Variants in MYO3B observed in about 807,000 individuals in gnomAD.
MYO3B encodes the protein myosin IIIB, also known as myosin-IIIb.
In MYO3B, 156 loss-of-function variants were observed where a neutral mutation model predicts 174.6. The ratio of observed to expected loss-of-function variants is 0.89; its 90% CI spans 0.78 to 1.02. MYO3B has a LOEUF of 1.02. Among genes scored for constraint, MYO3B ranks in the 50% least tolerant of loss-of-function variants. The pLI, the probability that MYO3B is intolerant of heterozygous loss-of-function variation, is 0.00. For synonymous variants in MYO3B, 563 were observed against 569.1 expected (o/e 0.99, Z 0.15); for missense variants, 1,632 against 1,639.4 (o/e 1.00, Z 0.08).
At position 170,236,058 on chromosome 2, in the gene MYO3B, T is replaced by C. The variant is rs2093066523; in HGVS notation, c.671T>C (p.Ile224Thr). Residue 224 changes from isoleucine (I) to threonine (T), a missense_variant, in exon 7 of 35, where the codon ATC becomes ACC. Ile to Thr is a moderately conservative substitution (Grantham distance 89). Coordinates refer to ENST00000408978, the MANE Select transcript of MYO3B (RefSeq NM_138995.5). ...CGCTGTGACGTCTGGTCCTTGGGGA[T>C]CACAGCTATTGAACTGGGGGATGGA... ...DARCDVWSLG[I>T]TAIELGDGDP... 1.2e-6 allele frequency: 2 copies of C among 1,613,986 alleles called. No individual in the cohort carries two copies. Among genetic ancestry groups the C allele is most frequent in the East Asian group, 4.5e-5 (2 of 44,882 alleles).
intron 32 of MYO3B, among the ~76,000 whole-genome samples, chr2:170,633,957 A>C (rs575521100): frequency 2.6e-5 from 4 of 152,326 alleles, no homozygotes; most frequent in African/African-American, 9.6e-5. Flanking sequence ...CTGATCAACG[A>C]AATAAAAGAG....
chr2:170,623,549 T>C (rs1008555018), intron 32 of MYO3B, among the ~76,000 whole-genome samples: 3 of 152,208 alleles, frequency 2.0e-5, no homozygotes, highest in Non-Finnish European at 2.9e-5. Context: ...TGGTAGTTTC[T>C]TTTGCTGTGC....
chr2:170,429,431 C>T (rs2105879627), intron 22 of MYO3B, among the ~76,000 whole-genome samples: 1 of 152,282 alleles, frequency 6.6e-6, no homozygotes, highest in East Asian at 1.9e-4. Flanking sequence ...GTTCCCAGTC[C>T]CACCAGTGAC....
At chr2:170,435,093 T>G (rs943617030) in intron 22 of MYO3B, among the ~76,000 whole-genome samples, 1 of 152,258 alleles carries the variant, frequency 6.6e-6, no homozygotes, top group African/African-American at 2.4e-5. Flanking sequence ...AGCGTAGGTC[T>G]GTCTCAAGCT....
At chr2:170,383,875 G>A (rs992128419) in intron 12 of MYO3B, 61 bp downstream of exon 12, 16 of 1,338,700 alleles carry the variant, frequency 1.2e-5, no homozygotes, top group South Asian at 4.7e-5. Context: ...TGTCTTCCTC[G>A]TCAACTCCTA....
chr2:170,541,755 C>T (rs1010928081), intron 30 of MYO3B, among the ~76,000 whole-genome samples: 3 of 152,054 alleles, frequency 2.0e-5, no homozygotes, highest in African/African-American at 4.8e-5. Flanking sequence ...TTACACAGAG[C>T]GTGAAATAGA....
At chr2:170,216,938 T>C (rs908826649) in intron 5 of MYO3B, among the ~76,000 whole-genome samples, 18 of 152,032 alleles carry the variant, frequency 1.2e-4, no homozygotes, top group African/African-American at 4.3e-4. Flanking sequence ...TGCTCCAGAG[T>C]TGTAGTTTGG....
At chr2:170,330,758 A>G (rs1182208637) in intron 7 of MYO3B, among the ~76,000 whole-genome samples, 1 of 152,218 alleles carries the variant, frequency 6.6e-6, no homozygotes, top group Non-Finnish European at 1.5e-5. Context: ...CTTCAAAAGT[A>G]GAGGAATGAG....
At chr2:170,260,472 A>G (rs1353757021) in intron 7 of MYO3B, among the ~76,000 whole-genome samples, 3 of 152,248 alleles carry the variant, frequency 2.0e-5, no homozygotes, top group Non-Finnish European at 2.9e-5. Flanking sequence ...TAAATGCCAT[A>G]TGTTATCACT....
At chr2:170,239,166 G>C (rs2093104205) in intron 7 of MYO3B, among the ~76,000 whole-genome samples, 1 of 152,178 alleles carries the variant, frequency 6.6e-6, no homozygotes, top group South Asian at 2.1e-4. Context: ...CTCAACATCA[G>C]TGGATTCAAC....
rs762553748 is a variant in MYO3B at position 170,214,721 on chromosome 2, C to T, written c.427-8C>T. On this transcript the variant is annotated splice_region_variant and splice_polypyrimidine_tract_variant and intron_variant, in intron 4 of 34. Coordinates refer to ENST00000408978, the MANE Select transcript of MYO3B (RefSeq NM_138995.5). ...CCTGTTGTTTGGTGGTGGTGGGATG[C>T]CATGCAGGGCCTTCAGCATTTGCAC... The T allele has an allele frequency of 1.2e-6, 2 of 1,611,078 alleles. No individual in the cohort carries two copies. The highest frequency in any genetic ancestry group is 1.7e-5 in the Admixed American group (1 of 59,994).
At chr2:170,595,450 G>C (rs925135445) in intron 32 of MYO3B, among the ~76,000 whole-genome samples, 2 of 151,916 alleles carry the variant, frequency 1.3e-5, no homozygotes, top group African/African-American at 4.8e-5. Flanking sequence ...TTTTGTTTTT[G>C]TTTTATGAGA....
At chr2:170,290,246 G>C (rs1256450750) in intron 7 of MYO3B, among the ~76,000 whole-genome samples, 5 of 151,930 alleles carry the variant, frequency 3.3e-5, no homozygotes, top group African/African-American at 9.7e-5. Flanking sequence ...TTTTCTCTCT[G>C]GGTGATCTTT....
intron 7 of MYO3B, among the ~76,000 whole-genome samples, chr2:170,310,837 T>C (rs2105468913): frequency 6.6e-6 from 1 of 152,256 alleles, no homozygotes; most frequent in South Asian, 2.1e-4. Flanking sequence ...TAAAGGATTG[T>C]GGAGACCCAA....
intron 32 of MYO3B, among the ~76,000 whole-genome samples, chr2:170,634,660 A>G (rs1445254877): frequency 6.6e-6 from 1 of 152,278 alleles, no homozygotes; most frequent in East Asian, 1.9e-4. Context: ...AGCAAAAGAA[A>G]CTACCATCAG....
chr2:170,254,471 T>A (rs1018570231), intron 7 of MYO3B, among the ~76,000 whole-genome samples: 1 of 152,156 alleles, frequency 6.6e-6, no homozygotes, highest in East Asian at 1.9e-4. Flanking sequence ...CAGTGTCTGC[T>A]GGCCCCTCCC....
chr2:170,291,619 G>A (rs532183417), intron 7 of MYO3B, among the ~76,000 whole-genome samples: 5 of 151,994 alleles, frequency 3.3e-5, no homozygotes, highest in Non-Finnish European at 7.4e-5. Context: ...GTGTGGTGGT[G>A]AATTCTCTCA....
intron 22 of MYO3B, among the ~76,000 whole-genome samples, chr2:170,411,451 A>G (rs2094545583): frequency 6.6e-6 from 1 of 152,198 alleles, no homozygotes; most frequent in Non-Finnish European, 1.5e-5. Flanking sequence ...TTGTAAGACA[A>G]TGCCAAGTAT....
intron 7 of MYO3B, among the ~76,000 whole-genome samples, chr2:170,309,635 C>A (rs2105465780): frequency 6.6e-6 from 1 of 152,324 alleles, no homozygotes; most frequent in Non-Finnish European, 1.5e-5. Flanking sequence ...TATCCCCAGT[C>A]CAGTGCCTGC....
Sources: allele counts gnomAD v4.1 joint callset (sites outside exome capture counted in the v4.1 genomes callset), GRCh38; gene constraint gnomAD v4.1.1; transcripts MANE v1.5; gene names NCBI Gene and HGNC (gene_info 2026-07-23, HGNC 2026-07-21).